The following GSKIP variants were observed in gnomAD, a reference collection of about 807,000 sequenced individuals.
GSKIP encodes the protein GSK3B interacting protein.
A neutral mutation model predicts 11.9 loss-of-function variants in GSKIP; 5 were observed. That is an observed-to-expected ratio of 0.42 (90% CI 0.22 to 0.89). The LOEUF (loss-of-function observed/expected upper bound fraction) is 0.89. GSKIP is among the 40% of genes least tolerant of loss of function. GSKIP has a pLI of 0.29. For missense variants in GSKIP, 150 were observed against 166.6 expected, an observed-to-expected ratio of 0.90 and a Z score of 0.55; for synonymous variants, 70 against 62.9, an observed-to-expected ratio of 1.11 and a Z score of -0.54.
At chr14:96,370,706 C>CA (rs1889023576) in intron 1 of GSKIP, among the ~76,000 whole-genome samples, 1 of 152,186 alleles carries the variant, frequency 6.6e-6, no homozygotes, top group Non-Finnish European at 1.5e-5. Context: ...GATCTTCACA[C>CA]ACTGGCTCCC....
intron 3 of GSKIP, among the ~76,000 whole-genome samples, chr14:96,384,006 G>A (rs1357959855): frequency 6.6e-6 from 1 of 152,072 alleles, no homozygotes; most frequent in East Asian, 1.9e-4. Context: ...GAGTGAGTCC[G>A]TCTACCCCTG....
In GSKIP at chr14:96,376,522, C is replaced by G. The variant is rs527929939; in HGVS notation, c.-102-3166C>G. ...AGCTCTTAGAACAGTAAAGAATTTTCTGCCTATTTACCTTATTTTGTAGAT... is the reference window on the plus strand; with the variant it reads ...AGCTCTTAGAACAGTAAAGAATTTTGTGCCTATTTACCTTATTTTGTAGAT... On this transcript the variant is annotated intron_variant, in intron 1 of 3. Coordinates refer to ENST00000555181, the MANE Select transcript of GSKIP (RefSeq NM_016472.5). Among the ~76,000 whole-genome samples, 7 of 152,320 alleles carry G rather than the reference C, an allele frequency of 4.6e-5. No homozygotes were observed. The South Asian group carries it at 1.5e-3, about 32-fold the overall frequency.
At chr14:96,367,657 A>G (rs2139927267) in intron 1 of GSKIP, among the ~76,000 whole-genome samples, 1 of 152,356 alleles carries the variant, frequency 6.6e-6, no homozygotes, top group East Asian at 1.9e-4. Context: ...AGTCTAATAA[A>G]TTAGGAAGTA....
chr14:96,370,075 G>T (rs1440978413), intron 1 of GSKIP, among the ~76,000 whole-genome samples: 2 of 152,208 alleles, frequency 1.3e-5, no homozygotes, highest in African/African-American at 4.8e-5. Context: ...GAACTTGAAG[G>T]TTTAATGTCT....
chr14:96,369,993 T>C (rs1294213780), intron 1 of GSKIP, among the ~76,000 whole-genome samples: 1 of 152,178 alleles, frequency 6.6e-6, no homozygotes, highest in Non-Finnish European at 1.5e-5. Flanking sequence ...GGGATGAGAC[T>C]GCCCAAAGCC....
chr14:96,367,885 C>G (rs1265692300), intron 1 of GSKIP, among the ~76,000 whole-genome samples: 5 of 152,146 alleles, frequency 3.3e-5, no homozygotes, highest in East Asian at 1.9e-4. Context: ...CAATTTTTGT[C>G]TCTTTGCTAG....
chr14:96,373,719 C>T (rs1252667916), intron 1 of GSKIP, among the ~76,000 whole-genome samples: 1 of 152,010 alleles, frequency 6.6e-6, no homozygotes, highest in East Asian at 1.9e-4. Flanking sequence ...GGGTAGAGTA[C>T]TCAGAAAGGT....
chr14:96,385,529 G>A lies in GSKIP; in HGVS notation c.265G>A (p.Gly89Ser). The A allele has an allele frequency of 6.2e-7, 1 of 1,609,110 alleles. No homozygotes were observed. The highest frequency in any genetic ancestry group is 2.2e-5 in the East Asian group (1 of 44,756). The change falls in exon 4 of 4, where the codon GGC becomes AGC. Residue 89 changes from glycine (G) to serine (S), a missense_variant. Physicochemically the swap from Gly to Ser is moderately conservative, Grantham distance 56. Transcript: ENST00000555181. ...ELTEAGLKVV[G>S]YAFDQVDDHL... is the part of the protein sequence containing the mutation. ...TGTTGCATTTCTCTTGTAGGTGGTAGGCTATGCTTTTGACCAGGTAGATGA... is the reference window on the plus strand; with the variant it reads ...TGTTGCATTTCTCTTGTAGGTGGTAAGCTATGCTTTTGACCAGGTAGATGA...
chr14:96,364,436 C>T (rs1888807208), intron 1 of GSKIP: 1 of 152,144 alleles, frequency 6.6e-6, no homozygotes, highest in African/African-American at 2.4e-5. Flanking sequence ...TGAACAGAGT[C>T]CTGAAACATA....
At chr14:96,370,630 C>T (rs1197734262) in intron 1 of GSKIP, among the ~76,000 whole-genome samples, 4 of 152,066 alleles carry the variant, frequency 2.6e-5, no homozygotes, top group Non-Finnish European at 5.9e-5. Context: ...GCCTGGATCT[C>T]CTGCTTTCTA....
At chr14:96,374,828 G>A (rs554097973) in intron 1 of GSKIP, among the ~76,000 whole-genome samples, 1 of 152,332 alleles carries the variant, frequency 6.6e-6, no homozygotes, top group East Asian at 1.9e-4. Context: ...AATGTTGAAA[G>A]AAGTTATTCA....
chr14:96,365,094 A>G (rs1393630284), intron 1 of GSKIP: 2 of 151,984 alleles, frequency 1.3e-5, no homozygotes, highest in Admixed American at 1.3e-4. Context: ...TACAGCAGTG[A>G]ACAGATAAAT....
At chr14:96,379,908 T>C (rs965362309) in intron 2 of GSKIP, 120 bp downstream of exon 2, 1 of 152,388 alleles carries the variant, frequency 6.6e-6, no homozygotes, top group African/African-American at 2.4e-5. Context: ...ATTGAAGTAC[T>C]TGATAACTTA....
At chr14:96,380,678 GA>G (rs903012900) in intron 2 of GSKIP, among the ~76,000 whole-genome samples, 2 of 152,160 alleles carry the variant, frequency 1.3e-5, no homozygotes, top group Non-Finnish European at 2.9e-5. Context: ...CATATTGTCA[GA>G]AAAAAATTGA....
chr14:96,376,339 G>GC (rs34108889), intron 1 of GSKIP, among the ~76,000 whole-genome samples: 54,614 of 151,786 alleles, frequency 0.36, 10,466 homozygotes, highest in Non-Finnish European at 0.43. Flanking sequence ...CTTTGCTTAT[G>GC]CTTTGTTCCC....
Position 96,370,491 on chromosome 14 carries a change from C to T in GSKIP, c.-103+6923C>T, listed in dbSNP as rs781584229. On this transcript the variant is annotated intron_variant, in intron 1 of 3. Transcript: ENST00000555181. The stretch of plus-strand genomic sequence containing the variant: ...AGCTGTTTGGGTCAGGGAGTTGGGG[C>T]GGGGTAGGGTTGGGGGGCCAGTTTG... 3.5e-5 allele frequency among the ~76,000 whole-genome samples: 5 copies of T among 141,412 alleles called. No individual in the cohort carries two copies. The East Asian group carries it at 7.5e-4, about 21-fold the overall frequency. 92.8% of individuals were successfully genotyped at this position (141,412 alleles called of 152,430 possible).
Position 96,375,727 on chromosome 14 carries a change from C to G in GSKIP, c.-102-3961C>G, listed in dbSNP as rs1391477289. ...GATAACAGGCGTGAGCCACCACGCC[C>G]GGCTTGAAATTTATTTCTTATAGTA... On this transcript the variant is annotated intron_variant, in intron 1 of 3. Transcript: ENST00000555181. Among the ~76,000 whole-genome samples the G allele has an allele frequency of 2.0e-5, 3 of 152,134 alleles. No homozygotes were observed. In the South Asian group the frequency reaches 6.2e-4, roughly 32 times the overall value.
At chr14:96,376,127 A>G (rs539728960) in intron 1 of GSKIP, among the ~76,000 whole-genome samples, 1 of 152,352 alleles carries the variant, frequency 6.6e-6, no homozygotes, top group African/African-American at 2.4e-5. Context: ...TGGATGAAAA[A>G]GCAGGACCAC....
chr14:96,385,699 T>C lies in GSKIP; in HGVS notation c.*15T>C. ...GACAGTCATGACTACACTTTTTCCT[T>C]TCAGAGGGGCTGGTGCTGGTACAGA... On this transcript the variant is annotated 3_prime_UTR_variant, in exon 4 of 4. Transcript: ENST00000555181. The C allele has an allele frequency of 6.2e-7, 1 of 1,600,584 alleles. No homozygotes were observed. The highest frequency in any genetic ancestry group is 8.5e-7 in the Non-Finnish European group (1 of 1,173,666).
Sources: allele counts gnomAD v4.1 joint callset (sites outside exome capture counted in the v4.1 genomes callset), GRCh38; gene constraint gnomAD v4.1.1; transcripts MANE v1.5; gene names NCBI Gene and HGNC (gene_info 2026-07-23, HGNC 2026-07-21).